FEN1: variants seen among roughly 807,000 people sequenced by gnomAD.
FEN1 encodes flap endonuclease 1.
Under a neutral mutation model 24.7 loss-of-function variants are expected in FEN1, and 19 were observed. That is an observed-to-expected ratio of 0.77 (90% CI 0.54 to 1.13). The LOEUF is 1.13. FEN1 is among the 50% of genes most tolerant of loss of function. The pLI, the probability that FEN1 is intolerant of heterozygous loss-of-function variation, is 0.00. For synonymous variants in FEN1, 155 were observed against 189.2 expected (o/e 0.82, Z 1.48); for missense variants, 339 against 488.7 (o/e 0.69, Z 2.89).
Position 61,796,077 on chromosome 11 carries a change from G to A in FEN1, c.716G>A (p.Arg239Gln), listed in dbSNP as rs199499938. ...LLGSDYCESI[R>Q]GIGPKRAVDL... ...GGCAGTGACTACTGTGAGAGTATCC[G>A]GGGTATTGGGCCCAAGCGGGCTGTG... The change falls in exon 2 of 2, where the codon CGG becomes CAG. Residue 239 changes from arginine (R) to glutamine (Q), a missense_variant. This residue lies in a region of FEN1 where 216 missense variants were observed against 329.7 expected (regional missense o/e 0.66). Transcript: ENST00000305885. 1.9e-4 allele frequency: 302 copies of A among 1,614,050 alleles called. No individual in the cohort carries two copies. Among genetic ancestry groups the A allele is most frequent in the Non-Finnish European group, 2.4e-4 (279 of 1,180,050 alleles).
chr11:61,795,526 T>G lies in FEN1; in HGVS notation c.165T>G (p.Asn55Lys), dbSNP rs1336211233. 1 of 1,614,116 alleles carries G rather than the reference T, an allele frequency of 6.2e-7. No individual in the cohort carries two copies. Among genetic ancestry groups the G allele is most frequent in the Non-Finnish European group, 8.5e-7 (1 of 1,180,018 alleles). ...AVRQGGDVLQ[N>K]EEGETTSHLM... is the part of the protein sequence containing the mutation. The stretch of plus-strand genomic sequence containing the variant: ...GCCAGGGTGGGGATGTGCTGCAGAA[T>G]GAGGAGGGTGAGACCACCAGCCACC... The change falls in exon 2 of 2, where the codon AAT becomes AAG. Residue 55 changes from asparagine to lysine, a missense_variant. Transcript: ENST00000305885. The surrounding 1 kb of genome is among the most constrained non-coding windows in gnomAD (Gnocchi z 4.1).
At position 61,796,750 on chromosome 11, in the gene FEN1, G is replaced by T; in HGVS notation, c.*246G>T. 2 of 518,970 alleles carry T rather than the reference G, an allele frequency of 3.9e-6. No individual in the cohort carries two copies. The highest frequency in any genetic ancestry group is 7.0e-6 in the Non-Finnish European group (2 of 284,466). 32.1% of individuals were successfully genotyped at this position (518,970 alleles called of 1,614,324 possible). A position where few individuals can be genotyped will look rare whatever the true frequency, so the allele number is the denominator to read the frequency against. ...AAACCACTTCTCAGGCAGTTTAATG[G>T]ACACTAAGTCCATTGTTACATGAAA... On this transcript the variant is annotated 3_prime_UTR_variant, in exon 2 of 2. Coordinates refer to ENST00000305885, the MANE Select transcript of FEN1 (RefSeq NM_004111.6).
At position 61,796,411 on chromosome 11, in the gene FEN1, C is replaced by G. The variant is rs900276320; in HGVS notation, c.1050C>G (p.Leu350=). The change falls in exon 2 of 2, where the codon CTC becomes CTG. Residue 350 remains leucine, a synonymous_variant. Transcript: ENST00000305885. ...ATTTCTTCAAGGTGACCGGCTCACT[C>G]TCTTCAGCTAAGCGCAAGGAGCCAG... The part of the protein sequence containing the change: ...LDDFFKVTGS[L]SSAKRKEPEP... 17 of 1,613,590 alleles carry G rather than the reference C, an allele frequency of 1.1e-5. No individual in the cohort carries two copies. In the East Asian group the frequency reaches 2.0e-4, roughly 19 times the overall value.
At chr11:61,794,291 C>T (rs927054854) in intron 1 of FEN1, among the ~76,000 whole-genome samples, 2 of 152,172 alleles carry the variant, frequency 1.3e-5, no homozygotes, top group Non-Finnish European at 2.9e-5. Flanking sequence ...ATTCTCCTGC[C>T]TCAGCCTCCC....
chr11:61,793,327 C>T (rs2066800220), intron 1 of FEN1: 1 of 152,410 alleles, frequency 6.6e-6, no homozygotes. Context: ...TGTGGGACGC[C>T]GTGAGGGGAT....
chr11:61,793,906 G>A (rs930761785), intron 1 of FEN1, among the ~76,000 whole-genome samples: 4 of 152,228 alleles, frequency 2.6e-5, no homozygotes, highest in East Asian at 3.8e-4. Context: ...TGAAGAAAGA[G>A]TGGGAACAAT....
chr11:61,796,500 A>G lies in FEN1; in HGVS notation c.1139A>G (p.Lys380Arg), dbSNP rs1356130035. The change falls in exon 2 of 2, where the codon AAA becomes AGA. Residue 380 changes from lysine to arginine, a missense_variant. Physicochemically the swap from Lys to Arg is conservative, Grantham distance 26. Transcript: ENST00000305885. ...TGAAGKFKRG[K>R] ...GCAGCAGGGAAGTTTAAAAGGGGAAAATAAATGTGTTTCCCCATTATACCT... is the reference window on the plus strand; with the variant it reads ...GCAGCAGGGAAGTTTAAAAGGGGAAGATAAATGTGTTTCCCCATTATACCT... 1 of 1,603,610 alleles carries G rather than the reference A, an allele frequency of 6.2e-7. No homozygotes were observed. The highest frequency in any genetic ancestry group is 1.7e-5 in the Admixed American group (1 of 59,336).
intron 1 of FEN1, among the ~76,000 whole-genome samples, chr11:61,794,803 C>T (rs2066810451): frequency 6.6e-6 from 1 of 152,094 alleles, no homozygotes; most frequent in African/African-American, 2.4e-5. Flanking sequence ...TGTGCTGAGG[C>T]GATGATGAAG....
At position 61,795,989 on chromosome 11, in the gene FEN1, A is replaced by G; in HGVS notation, c.628A>G (p.Ser210Gly). 6.2e-7 allele frequency: 1 copy of G among 1,614,186 alleles called. No individual in the cohort carries two copies. The highest frequency in any genetic ancestry group is 8.5e-7 in the Non-Finnish European group (1 of 1,180,028). The change falls in exon 2 of 2, where the codon AGC (serine) becomes GGC (glycine). Residue 210 changes from serine (S) to glycine (G), a missense_variant. By Grantham distance (56) the Ser-to-Gly change is moderately conservative. Transcript: ENST00000305885. The surrounding 1 kb of genome is among the most constrained non-coding windows in gnomAD (Gnocchi z 4.1). ...GCTGCCAATCCAGGAATTCCACCTGAGCCGGATTCTGCAGGAGCTGGGCCT... is the reference window on the plus strand; with the variant it reads ...GCTGCCAATCCAGGAATTCCACCTGGGCCGGATTCTGCAGGAGCTGGGCCT... ...KKLPIQEFHL[S>G]RILQELGLNQ...
At chr11:61,794,234 C>T (rs1254953355) in intron 1 of FEN1, among the ~76,000 whole-genome samples, 4 of 152,140 alleles carry the variant, frequency 2.6e-5, no homozygotes, top group African/African-American at 4.8e-5. Flanking sequence ...TGGAGTGCAG[C>T]GGCACAATCT....
rs1284459967 is a variant in FEN1, at chr11:61,796,929, C to T, written c.*425C>T. On this transcript the variant is annotated 3_prime_UTR_variant, in exon 2 of 2. Coordinates refer to ENST00000305885, the MANE Select transcript of FEN1 (RefSeq NM_004111.6). ...CTTTTCTGTCTTGTTCAGCCTTGACCCACCTTGAGAGAGAGCCACCAGGAA... is the reference window on the plus strand; with the variant it reads ...CTTTTCTGTCTTGTTCAGCCTTGACTCACCTTGAGAGAGAGCCACCAGGAA... 2 of 185,004 alleles carry T rather than the reference C, an allele frequency of 1.1e-5. No individual in the cohort carries two copies. The highest frequency in any genetic ancestry group is 2.6e-4 in the South Asian group (2 of 7,710). The allele number at this position is 185,004 out of a possible 1,614,324, so 11.5% of individuals were successfully genotyped here. A position where few individuals can be genotyped will look rare whatever the true frequency, so the allele number is the denominator to read the frequency against.
Position 61,795,926 on chromosome 11 carries a change from G to T in FEN1, c.565G>T (p.Val189Leu), listed in dbSNP as rs766070774. The T allele has an allele frequency of 2.5e-6, 4 of 1,613,930 alleles. No individual in the cohort carries two copies. The South Asian group carries it at 4.4e-5, about 18-fold the overall frequency. ...DMDCLTFGSP[V>L]LMRHLTASEA... ...GGACTGCCTCACCTTCGGCAGCCCTGTGCTAATGCGACACCTGACTGCCAG... is the reference window on the plus strand; with the variant it reads ...GGACTGCCTCACCTTCGGCAGCCCTTTGCTAATGCGACACCTGACTGCCAG... Residue 189 changes from valine to leucine, a missense_variant, in exon 2 of 2, where the codon GTG becomes TTG. This residue lies in a region of FEN1 where 216 missense variants were observed against 329.7 expected (regional missense o/e 0.66). Transcript: ENST00000305885. This position sits in a 1 kb window ranked among gnomAD's most constrained non-coding sequence, Gnocchi z 4.1.
rs1354177186 is a variant in FEN1, at chr11:61,796,958, G to A, written c.*454G>A. On this transcript the variant is annotated 3_prime_UTR_variant, in exon 2 of 2. Coordinates refer to ENST00000305885, the MANE Select transcript of FEN1 (RefSeq NM_004111.6). ...CTTGAGAGAGAGCCACCAGGAAGGC[G>A]CATCTTAGCAGATGGGAGGAACTGC... 2 of 176,320 alleles carry A rather than the reference G, an allele frequency of 1.1e-5. No homozygotes were observed. The highest frequency in any genetic ancestry group is 2.4e-5 in the African/African-American group (1 of 41,518). 10.9% of individuals were successfully genotyped at this position (176,320 alleles called of 1,614,324 possible).
At position 61,795,789 on chromosome 11, in the gene FEN1, A is replaced by G. The variant is rs780645501; in HGVS notation, c.428A>G (p.His143Arg). ...AAGCAGCACAATGATGAGTGCAAAC[A>G]TCTGCTGAGCCTCATGGGCATCCCT... ...VTKQHNDECK[H>R]LLSLMGIPYL... Residue 143 changes from histidine to arginine, a missense_variant, in exon 2 of 2, where the codon CAT becomes CGT. Transcript: ENST00000305885. The surrounding 1 kb of genome is among the most constrained non-coding windows in gnomAD (Gnocchi z 4.1). 2 of 1,613,986 alleles carry G rather than the reference A, an allele frequency of 1.2e-6. No homozygotes were observed. The highest frequency in any genetic ancestry group is 1.7e-6 in the Non-Finnish European group (2 of 1,180,028).
At position 61,795,147 on chromosome 11, in the gene FEN1, T is replaced by A. The variant is rs1258477832; in HGVS notation, c.-21-194T>A. ...TCAATTTCTGGTACTCGTTGAGCCTTACTATTGAGTAAATTCTCCTGCTAG... is the reference window on the plus strand; with the variant it reads ...TCAATTTCTGGTACTCGTTGAGCCTAACTATTGAGTAAATTCTCCTGCTAG... On this transcript the variant is annotated intron_variant, in intron 1 of 1. Transcript: ENST00000305885. This position sits in a 1 kb window ranked among gnomAD's most constrained non-coding sequence, Gnocchi z 4.1. 6.6e-6 allele frequency among the ~76,000 whole-genome samples: 1 copy of A among 152,230 alleles called. No homozygotes were observed. The highest frequency in any genetic ancestry group is 6.5e-5 in the Admixed American group (1 of 15,290).
Position 61,795,946 on chromosome 11 carries a change from T to C in FEN1, c.585T>C (p.Thr195=), listed in dbSNP as rs1377607492. 3.1e-6 allele frequency: 5 copies of C among 1,614,020 alleles called. No homozygotes were observed. Among genetic ancestry groups the C allele is most frequent in the Non-Finnish European group, 4.2e-6 (5 of 1,180,050 alleles). ...GCCCTGTGCTAATGCGACACCTGACTGCCAGTGAAGCCAAAAAGCTGCCAA... is the reference window on the plus strand; with the variant it reads ...GCCCTGTGCTAATGCGACACCTGACCGCCAGTGAAGCCAAAAAGCTGCCAA... ...FGSPVLMRHL[T]ASEAKKLPIQ... is the part of the protein sequence containing the mutation. Residue 195 remains threonine (T), a synonymous_variant, in exon 2 of 2, where the codon ACT becomes ACC. Transcript: ENST00000305885. The surrounding 1 kb of genome is among the most constrained non-coding windows in gnomAD (Gnocchi z 4.1).
Position 61,796,263 on chromosome 11 carries a change from C to G in FEN1, c.902C>G (p.Pro301Arg), listed in dbSNP as rs1174021019. The change falls in exon 2 of 2, where the codon CCA (proline) becomes CGA (arginine). Residue 301 changes from proline (P) to arginine (R), a missense_variant. Physicochemically the swap from Pro to Arg is moderately radical, Grantham distance 103 (BLOSUM62 -2). Around this residue, in one of 3 missense-constraint regions of FEN1, gnomAD observed 70 missense variants for 64.9 expected, o/e 1.08. Transcript: ENST00000305885. ...TCTGTGGAGCTGAAGTGGAGCGAGC[C>G]AAATGAAGAAGAGCTGATCAAGTTC... ...PESVELKWSEPNEEELIKFMC... is the reference protein window; with the variant it reads ...PESVELKWSERNEEELIKFMC... 3.1e-6 allele frequency: 5 copies of G among 1,612,558 alleles called. No individual in the cohort carries two copies. The highest frequency in any genetic ancestry group is 3.4e-6 in the Non-Finnish European group (4 of 1,180,034).
chr11:61,796,610 G>C lies in FEN1; in HGVS notation c.*106G>C, dbSNP rs1591146694. On this transcript the variant is annotated 3_prime_UTR_variant, in exon 2 of 2. Coordinates refer to ENST00000305885, the MANE Select transcript of FEN1 (RefSeq NM_004111.6). ...CACGGGGTGGAGAGAGGATTCTAAG[G>C]CTTTTCTAGCGTGACCCTTTTCAGT... 3 of 1,279,072 alleles carry C rather than the reference G, an allele frequency of 2.3e-6. No individual in the cohort carries two copies. The South Asian group carries it at 4.7e-5, about 20-fold the overall frequency. The allele number at this position is 1,279,072 out of a possible 1,614,324, so 79.2% of individuals were successfully genotyped here.
Position 61,796,097 on chromosome 11 carries a change from G to A in FEN1, c.736G>A (p.Ala246Thr), listed in dbSNP as rs1312132270. ...TATCCGGGGTATTGGGCCCAAGCGG[G>A]CTGTGGACCTCATCCAGAAGCACAA... is the stretch of plus-strand genomic sequence containing the variant. ...ESIRGIGPKR[A>T]VDLIQKHKSI... Residue 246 changes from alanine to threonine, a missense_variant, in exon 2 of 2, where the codon GCT (alanine) becomes ACT (threonine). Coordinates refer to ENST00000305885, the MANE Select transcript of FEN1 (RefSeq NM_004111.6). 1 of 1,614,102 alleles carries A rather than the reference G, an allele frequency of 6.2e-7. No homozygotes were observed. Among genetic ancestry groups the A allele is most frequent in the African/African-American group, 1.3e-5 (1 of 74,932 alleles).
Sources: gnomAD v4.1 joint callset for allele counts (sites outside exome capture counted in the v4.1 genomes callset) on GRCh38, gnomAD v4.1.1 for gene constraint, gnomAD v4.1.1 regional missense constraint, Gnocchi (gnomAD v3.1) non-coding constraint, MANE v1.5 for transcripts, NCBI Gene and HGNC (gene_info 2026-07-23, HGNC 2026-07-21) for gene names.